THAP9: variants seen among roughly 807,000 people sequenced by gnomAD.
The protein encoded by THAP9 is THAP domain containing 9.
THAP9 carries 20 observed loss-of-function variants against 35.7 expected under a neutral mutation model. The observed-to-expected ratio is 0.56, with a 90% CI of 0.39 to 0.81. THAP9 has a LOEUF of 0.81. THAP9 is among the 40% of genes least tolerant of loss of function. THAP9 has a pLI of 0.00. For missense variants in THAP9, 870 were observed against 1,047.4 expected (o/e 0.83, Z 2.34); for synonymous variants, 335 against 373.7 (o/e 0.90, Z 1.19).
intron 4 of THAP9, among the ~76,000 whole-genome samples, chr4:82,912,089 GTTCTCCCTGGA>G (rs1578452412): frequency 6.6e-6 from 1 of 152,056 alleles, no homozygotes; most frequent in African/African-American, 2.4e-5. Context: ...TCCTTTTTCA[GTTCTCCCTGGA>G]TTCTTTATGT....
At chr4:82,903,230 TC>T (rs1369095145) in intron 1 of THAP9, among the ~76,000 whole-genome samples, 1 of 152,240 alleles carries the variant, frequency 6.6e-6, no homozygotes, top group African/African-American at 2.4e-5. Context: ...AGTTTCTTTT[TC>T]TTTTCTTTTT....
In THAP9 at chr4:82,904,860, A is replaced by G. The variant is rs1242670116; in HGVS notation, c.205A>G (p.Ser69Gly). The change falls in exon 2 of 5, where the codon AGT (serine) becomes GGT (glycine). Residue 69 changes from serine to glycine, a missense_variant. This residue lies in a region of THAP9 where 440 missense variants were observed against 501.2 expected (regional missense o/e 0.88). Transcript: ENST00000302236. Reference protein sequence around the residue: ...AILCSKHFQESDFESYGIRRK... With the variant: ...AILCSKHFQEGDFESYGIRRK... ...ACTGTGTTCCAAACATTTTCAAGAAAGTGACTTTGAGTCATATGGCATAAG... is the reference window on the plus strand; with the variant it reads ...ACTGTGTTCCAAACATTTTCAAGAAGGTGACTTTGAGTCATATGGCATAAG... The G allele has an allele frequency of 6.2e-7, 1 of 1,614,052 alleles. No individual in the cohort carries two copies. The highest frequency in any genetic ancestry group is 1.1e-5 in the South Asian group (1 of 91,078).
chr4:82,904,860 A>C lies in THAP9; in HGVS notation c.205A>C (p.Ser69Arg). The change falls in exon 2 of 5, where the codon AGT becomes CGT. Residue 69 changes from serine to arginine, a missense_variant. Physicochemically the swap from Ser to Arg is moderately radical, Grantham distance 110. Around this residue, in one of 3 missense-constraint regions of THAP9, gnomAD observed 440 missense variants for 501.2 expected, o/e 0.88. Transcript: ENST00000302236. ...AILCSKHFQE[S>R]DFESYGIRRK... is the part of the protein sequence containing the mutation. ...ACTGTGTTCCAAACATTTTCAAGAAAGTGACTTTGAGTCATATGGCATAAG... is the reference window on the plus strand; with the variant it reads ...ACTGTGTTCCAAACATTTTCAAGAACGTGACTTTGAGTCATATGGCATAAG... The C allele has an allele frequency of 1.2e-6, 2 of 1,614,052 alleles. No individual in the cohort carries two copies. The highest frequency in any genetic ancestry group is 1.7e-6 in the Non-Finnish European group (2 of 1,179,984).
intron 3 of THAP9, among the ~76,000 whole-genome samples, 176 bp from the exon 4 acceptor site, chr4:82,907,609 G>A (rs962111811): frequency 6.6e-5 from 10 of 152,130 alleles, no homozygotes; most frequent in South Asian, 4.1e-4. Context: ...CAGATGAACC[G>A]AATAAATTGG....
chr4:82,914,027 G>A (rs920896686), intron 4 of THAP9, among the ~76,000 whole-genome samples: 7 of 152,092 alleles, frequency 4.6e-5, no homozygotes, highest in African/African-American at 1.2e-4. Context: ...ATCAGCCACC[G>A]TGCCCAGCCA....
At chr4:82,905,032 C>G (rs1578445208) in intron 2 of THAP9, 101 bp downstream of exon 2, 4 of 1,098,438 alleles carry the variant, frequency 3.6e-6, no homozygotes, top group Non-Finnish European at 5.2e-6. Flanking sequence ...CAAAAAAACC[C>G]AAGTCTTAAA....
rs768621116 is a variant in THAP9, at chr4:82,900,782, G to A, written c.-21G>A. The A allele has an allele frequency of 6.2e-7, 1 of 1,613,544 alleles. No individual in the cohort carries two copies. The highest frequency in any genetic ancestry group is 1.7e-5 in the Admixed American group (1 of 60,034). ...ATGCTGTCGCGGGAACCCCGAAGGT[G>A]GGGCCCCACGTAACAAGAAGATGAC... On this transcript the variant is annotated 5_prime_UTR_variant, in exon 1 of 5. The change creates a premature stop within an existing upstream ORF in the 5' untranslated region. Transcript: ENST00000302236.
chr4:82,908,855 CA>C (rs1423368985), intron 4 of THAP9, among the ~76,000 whole-genome samples: 1 of 152,144 alleles, frequency 6.6e-6, no homozygotes, highest in East Asian at 1.9e-4. Flanking sequence ...CTTGGCCTCC[CA>C]AAGTGCTGGG....
chr4:82,914,188 C>T (rs1389445145), intron 4 of THAP9, among the ~76,000 whole-genome samples: 1 of 152,124 alleles, frequency 6.6e-6, no homozygotes, highest in Non-Finnish European at 1.5e-5. Flanking sequence ...ACATAGTATT[C>T]CATGGTGTGT....
intron 1 of THAP9, among the ~76,000 whole-genome samples, chr4:82,902,295 A>AGTGTGTTGCCCAGGTTGGTCTCC (rs1720450725): frequency 6.6e-6 from 1 of 150,476 alleles, no homozygotes; most frequent in Non-Finnish European, 1.5e-5. Flanking sequence ...ATGAGGTCTC[A>AGTGTGTTGCCCAGGTTGGTCTCC]GTGTGTTGCC....
chr4:82,914,399 A>G (rs1720972296), intron 4 of THAP9, among the ~76,000 whole-genome samples: 2 of 152,094 alleles, frequency 1.3e-5, no homozygotes, highest in South Asian at 4.1e-4. Flanking sequence ...TTGAGGAATC[A>G]CTTTCCACAA....
At chr4:82,907,539 A>G (rs1720695313) in intron 3 of THAP9, among the ~76,000 whole-genome samples, 1 of 152,164 alleles carries the variant, frequency 6.6e-6, no homozygotes, top group Non-Finnish European at 1.5e-5. Context: ...TCAGGCTGCC[A>G]CTGAACAGTA....
chr4:82,902,125 T>TTTGG (rs1720433972), intron 1 of THAP9, among the ~76,000 whole-genome samples: 1 of 148,688 alleles, frequency 6.7e-6, no homozygotes, highest in Non-Finnish European at 1.5e-5. Context: ...TTTTTTTTTT[T>TTTGG]GGAGACGGGG....
In THAP9 at chr4:82,900,891, G is replaced by A. The variant is rs771888898; in HGVS notation, c.80+9G>A. On this transcript the variant is annotated intron_variant, in intron 1 of 4. Transcript: ENST00000302236. ...GGCCTCTCCTTCCACCAGTGCGTAT[G>A]GGAGCAGCCTCGAAGCCTTCGAACT... 3.7e-6 allele frequency: 6 copies of A among 1,613,168 alleles called. No individual in the cohort carries two copies. The South Asian group carries it at 4.4e-5, about 12-fold the overall frequency.
intron 1 of THAP9, among the ~76,000 whole-genome samples, chr4:82,903,857 A>C (rs1443409015): frequency 6.6e-6 from 1 of 152,150 alleles, no homozygotes; most frequent in African/African-American, 2.4e-5. Flanking sequence ...CTCACCAACT[A>C]GTTTTCTCCA....
rs749212875 is a variant in THAP9, at chr4:82,918,357, C to T, written c.2145C>T (p.Leu715=). Residue 715 remains leucine (L), a synonymous_variant, in exon 5 of 5, where the codon CTC becomes CTT. Coordinates refer to ENST00000302236, the MANE Select transcript of THAP9 (RefSeq NM_024672.6). The part of the protein sequence containing the change: ...LLDLSDHRRN[L]ICYAGYVANK... ...ACCTGTCAGATCATAGGCGAAATCTCATCTGTTATGCTGGTTATGTTGCAA... is the reference window on the plus strand; with the variant it reads ...ACCTGTCAGATCATAGGCGAAATCTTATCTGTTATGCTGGTTATGTTGCAA... 6.2e-7 allele frequency: 1 copy of T among 1,614,158 alleles called. No homozygotes were observed. The highest frequency in any genetic ancestry group is 1.1e-5 in the South Asian group (1 of 91,080).
chr4:82,910,783 C>T, intron 4 of THAP9: 6 of 448,390 alleles, frequency 1.3e-5, no homozygotes, highest in South Asian at 8.0e-5. Context: ...GGGAGTAGTC[C>T]ACTATGTCAA....
At chr4:82,908,396 A>G (rs968359249) in intron 4 of THAP9, among the ~76,000 whole-genome samples, 7 of 152,324 alleles carry the variant, frequency 4.6e-5, no homozygotes, top group Non-Finnish European at 1.0e-4. Flanking sequence ...TGCGTTTTTC[A>G]TAAGCACTGC....
In THAP9 at chr4:82,917,095, A is replaced by G. The variant is rs774613739; in HGVS notation, c.883A>G (p.Ser295Gly). The G allele has an allele frequency of 6.2e-7, 1 of 1,613,666 alleles. No homozygotes were observed. Among genetic ancestry groups the G allele is most frequent in the South Asian group, 1.1e-5 (1 of 91,044 alleles). Residue 295 changes from serine (S) to glycine (G), a missense_variant, in exon 5 of 5, where the codon AGC becomes GGC. Physicochemically the swap from Ser to Gly is moderately conservative, Grantham distance 56. This residue lies in a region of THAP9 where 440 missense variants were observed against 501.2 expected (regional missense o/e 0.88). Transcript: ENST00000302236. ...PLKQQLQWDP[S>G]SHSLQGFMDF... ...CAAGCAACAGCTTCAGTGGGATCCT[A>G]GCAGTCACAGTTTGCAGGGGTTTAT...
Sources: allele counts gnomAD v4.1 joint callset (sites outside exome capture counted in the v4.1 genomes callset), GRCh38; gene constraint gnomAD v4.1.1; regional missense constraint gnomAD v4.1.1; transcripts MANE v1.5; gene names NCBI Gene and HGNC (gene_info 2026-07-23, HGNC 2026-07-21).